RPS6KC1: variants seen among roughly 807,000 people sequenced by gnomAD.
RPS6KC1 encodes inactive ribosomal protein S6 kinase delta-1.
RPS6KC1 carries 54 observed loss-of-function variants against 103.8 expected under a neutral mutation model. The ratio of observed to expected loss-of-function variants is 0.52; its 90% CI spans 0.42 to 0.65. RPS6KC1 has a LOEUF of 0.65. Ranked by LOEUF, RPS6KC1 falls within the 30% of genes least tolerant of loss-of-function variation. RPS6KC1 has a pLI of 0.00. For missense variants in RPS6KC1, 1,151 were observed against 1,253.8 expected (o/e 0.92, Z 1.24); for synonymous variants, 439 against 438.7 (o/e 1.00, Z -0.01).
chr1:213,671,014 A>G, the RPS6KC1 span, among the ~76,000 whole-genome samples: 2 of 152,208 alleles, frequency 1.3e-5, no homozygotes. Context: ...GTGATCAGGA[A>G]GGAGCCATTC....
At chr1:213,521,105 C>T in the RPS6KC1 span, among the ~76,000 whole-genome samples, 1 of 151,988 alleles carries the variant, frequency 6.6e-6, no homozygotes, top group Non-Finnish European at 1.5e-5. Flanking sequence ...AATGATGTAT[C>T]TTTTCATATT....
At chr1:213,797,593 T>A in the RPS6KC1 span, among the ~76,000 whole-genome samples, 1 of 152,142 alleles carries the variant, frequency 6.6e-6, no homozygotes, top group Non-Finnish European at 1.5e-5. Context: ...TAAGAAAGGG[T>A]TTGGTACAAC....
intron 8 of RPS6KC1, among the ~76,000 whole-genome samples, chr1:213,218,192 C>G (rs368780939): frequency 6.6e-6 from 1 of 152,106 alleles, no homozygotes; most frequent in African/African-American, 2.4e-5. Context: ...GATACAAAAT[C>G]AATGTGCAAA....
the RPS6KC1 span, among the ~76,000 whole-genome samples, chr1:213,665,111 C>T: frequency 2.0e-5 from 3 of 151,746 alleles, no homozygotes; most frequent in African/African-American, 7.3e-5. Flanking sequence ...TTCATTAGGA[C>T]ATGACAGAAT....
At chr1:213,058,617 A>G (rs1288003250) in intron 1 of RPS6KC1, among the ~76,000 whole-genome samples, 1 of 151,958 alleles carries the variant, frequency 6.6e-6, no homozygotes, top group Non-Finnish European at 1.5e-5. Flanking sequence ...CTGTTTCTGG[A>G]TTCTCTTATT....
chr1:213,380,720 A>G, the RPS6KC1 span, among the ~76,000 whole-genome samples: 1 of 152,192 alleles, frequency 6.6e-6, no homozygotes, highest in African/African-American at 2.4e-5. Flanking sequence ...AAGAAAAACA[A>G]AAGGAAATGT....
chr1:213,458,775 A>G, the RPS6KC1 span, among the ~76,000 whole-genome samples: 1 of 152,128 alleles, frequency 6.6e-6, no homozygotes, highest in Admixed American at 6.5e-5. Context: ...TTATTTTGAG[A>G]TACATTCCGT....
chr1:213,534,015 T>A, the RPS6KC1 span, among the ~76,000 whole-genome samples: 3 of 152,208 alleles, frequency 2.0e-5, no homozygotes, highest in Admixed American at 1.3e-4. Context: ...TTCTTGTATA[T>A]GTTCTTTGGC....
chr1:213,251,925 A>G (rs925455381), intron 12 of RPS6KC1, among the ~76,000 whole-genome samples: 2 of 152,234 alleles, frequency 1.3e-5, no homozygotes, highest in African/African-American at 2.4e-5. Context: ...ACCCAAACAG[A>G]AGAAATATAC....
chr1:213,158,825 G>T (rs972811465), intron 6 of RPS6KC1, among the ~76,000 whole-genome samples: 1 of 152,104 alleles, frequency 6.6e-6, no homozygotes, highest in Non-Finnish European at 1.5e-5. Context: ...TAGAAAACTA[G>T]TGTAGGCTTG....
At chr1:213,341,538 C>T in the RPS6KC1 span, among the ~76,000 whole-genome samples, 1 of 152,128 alleles carries the variant, frequency 6.6e-6, no homozygotes. Context: ...GTCCCAGACA[C>T]CTGGGGTTAA....
chr1:213,346,398 C>T, the RPS6KC1 span, among the ~76,000 whole-genome samples: 16 of 151,912 alleles, frequency 1.1e-4, no homozygotes, highest in South Asian at 1.9e-3. Flanking sequence ...GAAATAGATA[C>T]GAGGTAGGAA....
the RPS6KC1 span, among the ~76,000 whole-genome samples, chr1:213,280,174 A>C: frequency 6.6e-6 from 1 of 152,258 alleles, no homozygotes; most frequent in East Asian, 1.9e-4. Flanking sequence ...GGAGGAAGGG[A>C]AAAGACAAGG....
In RPS6KC1 at chr1:213,104,482, G is replaced by C. The variant is rs755313697; in HGVS notation, c.291G>C (p.Glu97Asp). ...GATTTGATGAAACTGTTATCGAAGA[G>C]AGAAGACAATGTGCTGAAGACCTGC... ...FGRFDETVIE[E>D]RRQCAEDLLQ... Residue 97 changes from glutamate to aspartate, a missense_variant, in exon 4 of 15, where the codon GAG becomes GAC. By Grantham distance (45) the Glu-to-Asp change is conservative (BLOSUM62 2). Around this residue, in one of 3 missense-constraint regions of RPS6KC1, gnomAD observed 959 missense variants for 1,006.3 expected, o/e 0.95. Transcript: ENST00000366960. The C allele has an allele frequency of 6.2e-7, 1 of 1,611,882 alleles. No individual in the cohort carries two copies. Among genetic ancestry groups the C allele is most frequent in the Non-Finnish European group, 8.5e-7 (1 of 1,178,414 alleles).
the RPS6KC1 span, among the ~76,000 whole-genome samples, chr1:213,657,653 C>G: frequency 6.6e-6 from 1 of 152,052 alleles, no homozygotes; most frequent in Admixed American, 6.6e-5. Flanking sequence ...CGTATACAAA[C>G]ACATGTGAAT....
At chr1:213,834,382 C>G in the RPS6KC1 span, among the ~76,000 whole-genome samples, 2 of 152,150 alleles carry the variant, frequency 1.3e-5, no homozygotes, top group Non-Finnish European at 2.9e-5. Context: ...AAGTAGAGCC[C>G]TAACTCCAGT....
At chr1:213,642,417 C>T in the RPS6KC1 span, among the ~76,000 whole-genome samples, 1 of 152,090 alleles carries the variant, frequency 6.6e-6, no homozygotes, top group African/African-American at 2.4e-5. Context: ...TGAGACTGAG[C>T]ATCTTTTGTT....
chr1:213,072,541 C>A (rs2078982014), intron 2 of RPS6KC1, among the ~76,000 whole-genome samples: 1 of 147,156 alleles, frequency 6.8e-6, no homozygotes. Flanking sequence ...GAGTGAGACT[C>A]TGTCTCAAAA....
At chr1:213,755,296 G>C in the RPS6KC1 span, among the ~76,000 whole-genome samples, 1 of 152,170 alleles carries the variant, frequency 6.6e-6, no homozygotes, top group Non-Finnish European at 1.5e-5. Context: ...GCAACTGAAG[G>C]CTCCATGTCT....
Sources: gnomAD v4.1 joint callset for allele counts (sites outside exome capture counted in the v4.1 genomes callset) on GRCh38, gnomAD v4.1.1 for gene constraint, gnomAD v4.1.1 regional missense constraint, MANE v1.5 for transcripts, NCBI Gene and HGNC (gene_info 2026-07-23, HGNC 2026-07-21) for gene names.